The following KCNAB1 variants were observed in gnomAD, a reference collection of about 807,000 sequenced individuals.
KCNAB1 encodes potassium voltage-gated channel subfamily A regulatory beta subunit 1, also known as voltage-gated potassium channel subunit beta-1.
A neutral mutation model predicts 64.6 loss-of-function variants in KCNAB1; 35 were observed. The ratio of observed to expected loss-of-function variants is 0.54; its 90% CI spans 0.41 to 0.72. KCNAB1 has a LOEUF of 0.72. KCNAB1 is among the 30% of genes least tolerant of loss of function. The probability of loss-of-function intolerance (pLI) is 0.00; values close to 1 mark genes in which losing one functional copy is unlikely to be tolerated. For synonymous variants in KCNAB1, 177 were observed against 183.8 expected, an observed-to-expected ratio of 0.96 and a Z score of 0.30; for missense variants, 401 against 512.9, an observed-to-expected ratio of 0.78 and a Z score of 2.11.
At position 156,354,051 on chromosome 3, in the gene KCNAB1, G is replaced by A. The variant is rs950157166; in HGVS notation, c.276-67565G>A. On this transcript the variant is annotated intron_variant, in intron 1 of 13. Coordinates refer to ENST00000490337, the MANE Select transcript of KCNAB1 (RefSeq NM_172160.3). The stretch of plus-strand genomic sequence containing the variant: ...ATAATGTGTGTGTGTATATATATGT[G>A]TGTGTGTGTGTGTGTGTGTGTGTAT... Among the ~76,000 whole-genome samples, 863 of 136,128 alleles carry A rather than the reference G, an allele frequency of 6.3e-3. 9 individuals carry two copies. The highest frequency in any genetic ancestry group is 0.023 in the African/African-American group (778 of 34,412). 89.3% of individuals were successfully genotyped at this position (136,128 alleles called of 152,430 possible). A position where few individuals can be genotyped will look rare whatever the true frequency, so the allele number is the denominator to read the frequency against.
chr3:156,513,807 C>A (rs1044949741), intron 8 of KCNAB1, among the ~76,000 whole-genome samples: 1 of 152,154 alleles, frequency 6.6e-6, no homozygotes, highest in Admixed American at 6.5e-5. Context: ...AAGCTGTGAG[C>A]CACGGTGACT....
Position 156,254,811 on chromosome 3 carries a change from C to T in KCNAB1, c.275+133925C>T, listed in dbSNP as rs181504711. ...GTCCGATTTCATACAACCTCCTTTC[C>T]ATCCTCCAGTCTTCTGTAACATCAA... On this transcript the variant is annotated intron_variant, in intron 1 of 13. Transcript: ENST00000490337. Among the ~76,000 whole-genome samples the T allele has an allele frequency of 2.1e-3, 313 of 152,322 alleles. 4 individuals are homozygous for T. The highest frequency in any genetic ancestry group is 0.018 in the Admixed American group (279 of 15,302).
chr3:156,471,777 A>G (rs1713920156), intron 7 of KCNAB1, among the ~76,000 whole-genome samples: 1 of 152,238 alleles, frequency 6.6e-6, no homozygotes, highest in Admixed American at 6.5e-5. Flanking sequence ...TACTCATGAA[A>G]CATATCTTAA....
chr3:156,312,703 C>CAAAAAAAAAAAAAAAA lies in KCNAB1; in HGVS notation c.276-108900_276-108885dup, dbSNP rs397991453. ...CTAGGTGACAGAGTGAGACTGTCTC[C>CAAAAAAAAAAAAAAAA]AAAAAAAAAAAAAAAAAAAAAAAAA... On this transcript the variant is annotated intron_variant, in intron 1 of 13. Coordinates refer to ENST00000490337, the MANE Select transcript of KCNAB1 (RefSeq NM_172160.3). 1.1e-3 allele frequency among the ~76,000 whole-genome samples: 31 copies of CAAAAAAAAAAAAAAAA among 27,424 alleles called. 3 individuals are homozygous for CAAAAAAAAAAAAAAAA. Among genetic ancestry groups the CAAAAAAAAAAAAAAAA allele is most frequent in the Non-Finnish European group, 1.3e-3 (18 of 14,078 alleles). The allele number at this position is 27,424 out of a possible 152,430, so 18.0% of individuals were successfully genotyped here. A position where few individuals can be genotyped will look rare whatever the true frequency, so the allele number is the denominator to read the frequency against.
At chr3:156,361,528 C>T (rs1725612724) in intron 1 of KCNAB1, among the ~76,000 whole-genome samples, 1 of 152,168 alleles carries the variant, frequency 6.6e-6, no homozygotes, top group South Asian at 2.1e-4. Flanking sequence ...CAGCCACTCC[C>T]CACTATCATG....
chr3:156,413,615 A>T (rs1714844747), intron 1 of KCNAB1, among the ~76,000 whole-genome samples: 1 of 152,236 alleles, frequency 6.6e-6, no homozygotes, highest in East Asian at 1.9e-4. Flanking sequence ...CTGCCGCACT[A>T]TGCTGCATTT....
At chr3:156,533,975 T>C (rs1182131944) in intron 13 of KCNAB1, among the ~76,000 whole-genome samples, 2 of 152,156 alleles carry the variant, frequency 1.3e-5, no homozygotes, top group African/African-American at 4.8e-5. Context: ...ATTTCCTCCC[T>C]AGCAAGGCTT....
intron 1 of KCNAB1, among the ~76,000 whole-genome samples, chr3:156,201,575 G>T (rs62286173): frequency 1.3e-5 from 2 of 152,242 alleles, no homozygotes; most frequent in African/African-American, 2.4e-5. Flanking sequence ...CAGTGTCAGC[G>T]CAGGGGCGGG....
intron 1 of KCNAB1, among the ~76,000 whole-genome samples, chr3:156,309,290 A>G (rs903798437): frequency 1.3e-5 from 2 of 152,354 alleles, no homozygotes; most frequent in Admixed American, 1.3e-4. Flanking sequence ...CAAAACTAAT[A>G]TTGTGTATCA....
At chr3:156,495,648 C>A (rs779504607) in intron 8 of KCNAB1, among the ~76,000 whole-genome samples, 16 of 152,142 alleles carry the variant, frequency 1.1e-4, no homozygotes, top group Non-Finnish European at 2.1e-4. Flanking sequence ...AGCTGGGTAA[C>A]CTTGAACAAT....
At chr3:156,215,238 T>C (rs1448669009) in intron 1 of KCNAB1, among the ~76,000 whole-genome samples, 1 of 152,040 alleles carries the variant, frequency 6.6e-6, no homozygotes, top group African/African-American at 2.4e-5. Context: ...ATGGCAGAGG[T>C]GGGAGTCAAA....
intron 1 of KCNAB1, among the ~76,000 whole-genome samples, chr3:156,178,457 A>G (rs997547693): frequency 1.3e-5 from 2 of 152,228 alleles, no homozygotes; most frequent in African/African-American, 4.8e-5. Context: ...AGAGATGCCC[A>G]GAAGCCTGAC....
At chr3:156,203,499 C>G (rs1420499430) in intron 1 of KCNAB1, among the ~76,000 whole-genome samples, 1 of 152,094 alleles carries the variant, frequency 6.6e-6, no homozygotes, top group South Asian at 2.1e-4. Context: ...TTTTCCCCAA[C>G]TATAAAATGT....
At chr3:156,293,983 C>T (rs1337320599) in intron 1 of KCNAB1, among the ~76,000 whole-genome samples, 1 of 152,204 alleles carries the variant, frequency 6.6e-6, no homozygotes, top group African/African-American at 2.4e-5. Context: ...ACTTTCGCAG[C>T]ACTATGAACT....
At chr3:156,390,018 T>G (rs1712912840) in intron 1 of KCNAB1, among the ~76,000 whole-genome samples, 1 of 152,056 alleles carries the variant, frequency 6.6e-6, no homozygotes. Flanking sequence ...TACACAGACA[T>G]ATCATTTTTG....
intron 5 of KCNAB1, 27 bp from the exon 6 acceptor site, chr3:156,463,675 C>T (rs933986485): frequency 6.4e-7 from 1 of 1,563,928 alleles, no homozygotes; most frequent in African/African-American, 1.4e-5. Flanking sequence ...TTTACTACTT[C>T]TCTGTGTTTG....
At chr3:156,378,161 T>A (rs1413163997) in intron 1 of KCNAB1, among the ~76,000 whole-genome samples, 3 of 151,988 alleles carry the variant, frequency 2.0e-5, no homozygotes, top group Non-Finnish European at 2.9e-5. Context: ...GGTAGAGAAG[T>A]AAAGACGAGA....
Position 156,272,325 on chromosome 3 carries a change from C to G in KCNAB1, c.276-149291C>G, listed in dbSNP as rs961114879. Reference sequence around the variant, plus strand: ...AGTTCCCCTGGGCCCCAGGTGGGTCCAGAGATACTGTCTAGGAGTCAGGGC... The same window carrying G: ...AGTTCCCCTGGGCCCCAGGTGGGTCGAGAGATACTGTCTAGGAGTCAGGGC... On this transcript the variant is annotated intron_variant, in intron 1 of 13. Transcript: ENST00000490337. 2.0e-5 allele frequency among the ~76,000 whole-genome samples: 3 copies of G among 152,182 alleles called. No individual in the cohort carries two copies. In the East Asian group the frequency reaches 5.8e-4, roughly 29 times the overall value.
chr3:156,274,415 A>G (rs563823017), intron 1 of KCNAB1, among the ~76,000 whole-genome samples: 20 of 152,324 alleles, frequency 1.3e-4, no homozygotes, highest in African/African-American at 4.8e-4. Flanking sequence ...TGACACCCTT[A>G]TAATAAAATA....
Sources: allele counts gnomAD v4.1 joint callset (sites outside exome capture counted in the v4.1 genomes callset), GRCh38; gene constraint gnomAD v4.1.1; transcripts MANE v1.5; gene names NCBI Gene and HGNC (gene_info 2026-07-23, HGNC 2026-07-21).